Variants in ADAR observed in about 807,000 individuals in gnomAD.
The protein encoded by ADAR is adenosine deaminase RNA specific.
A neutral mutation model predicts 113.2 loss-of-function variants in ADAR; 41 were observed. The observed-to-expected ratio is 0.36, with a 90% CI of 0.28 to 0.47. The LOEUF (loss-of-function observed/expected upper bound fraction) is 0.47, where lower values mean the gene tolerates loss of function less well. Ranked by LOEUF, ADAR falls within the 20% of genes least tolerant of loss-of-function variation. The pLI is 1.00. For missense variants in ADAR, 1,242 were observed against 1,540.9 expected (o/e 0.81, Z 3.25); for synonymous variants, 605 against 572.6 (o/e 1.06, Z -0.81).
At chr1:154,610,220 C>G (rs1698439464), upstream of ADAR, among the ~76,000 whole-genome samples, 1 of 152,090 alleles carries the variant, frequency 6.6e-6, no homozygotes, top group African/African-American at 2.4e-5. Context: ...AACCAGTTTA[C>G]CATTATCTAG....
At chr1:154,610,832 A>AAAAAAAAAAAAAAAAAC (rs1698463853), upstream of ADAR, among the ~76,000 whole-genome samples, 2 of 140,524 alleles carry the variant, frequency 1.4e-5, 1 homozygote, top group Non-Finnish European at 3.0e-5. Context: ...AAGAAAAAAA[A>AAAAAAAAAAAAAAAAAC]AAAAAAAAAG....
intron 7 of ADAR, 60 bp from the exon 8 acceptor site, chr1:154,589,988 C>T (rs1697021029): frequency 1.2e-6 from 2 of 1,602,070 alleles, no homozygotes; most frequent in Admixed American, 3.4e-5. Flanking sequence ...ACCATATTCA[C>T]CGTGGGCAGG....
rs892495161 is a variant in ADAR at position 154,598,542 on chromosome 1, C to A, written c.1645G>T (p.Ala549Ser). 1 of 1,614,108 alleles carries A rather than the reference C, an allele frequency of 6.2e-7. No homozygotes were observed. Among genetic ancestry groups the A allele is most frequent in the Non-Finnish European group, 8.5e-7 (1 of 1,180,038 alleles). Residue 549 changes from alanine (A) to serine (S), a missense_variant, in exon 3 of 15, where the codon GCT becomes TCT. By Grantham distance (99) the Ala-to-Ser change is moderately conservative (BLOSUM62 1). Around this residue, in one of 2 missense-constraint regions of ADAR, gnomAD observed 780 missense variants for 1,057.9 expected, o/e 0.74. Coordinates refer to ENST00000368474, the MANE Select transcript of ADAR (RefSeq NM_001111.5). ...GCCACTTTCTTGCTTCCAGCTTCAG[C>A]TGGGGGAAACTCTCGGCCATTGATG... Reference protein sequence around the residue: ...VVINGREFPPAEAGSKKVAKQ... With the variant: ...VVINGREFPPSEAGSKKVAKQ...
intron 9 of ADAR, 134 bp downstream of exon 9, chr1:154,589,235 A>G (rs1354486892): frequency 1.3e-6 from 1 of 750,130 alleles, no homozygotes; most frequent in Non-Finnish European, 2.4e-6. Flanking sequence ...ACGGGTGAAA[A>G]GCAAAGGCTG....
At chr1:154,627,059 A>C (rs967619778) in intron 1 of ADAR, among the ~76,000 whole-genome samples, 2 of 152,182 alleles carry the variant, frequency 1.3e-5, no homozygotes, top group Non-Finnish European at 2.9e-5. Flanking sequence ...CTCCCGTGGC[A>C]GCCTAGACTC....
chr1:154,613,672 A>G (rs1403755007), intron 1 of ADAR, among the ~76,000 whole-genome samples: 1 of 152,122 alleles, frequency 6.6e-6, no homozygotes, highest in Admixed American at 6.5e-5. Context: ...TGGGACACCG[A>G]GGTGGGTGGA....
chr1:154,585,688 C>T (rs1159800176), intron 13 of ADAR, 65 bp downstream of exon 13: 18 of 1,393,758 alleles, frequency 1.3e-5, no homozygotes, highest in Non-Finnish European at 1.6e-5. Flanking sequence ...TACATTTTTC[C>T]TCTGTTTACA....
At position 154,601,916 on chromosome 1, in the gene ADAR, A is replaced by C. The variant is rs746806140; in HGVS notation, c.726T>G (p.Leu242=). 1.3e-5 allele frequency: 21 copies of C among 1,613,984 alleles called. No individual in the cohort carries two copies. In the South Asian group the frequency reaches 2.3e-4, roughly 18 times the overall value. Residue 242 remains leucine, a synonymous_variant, in exon 2 of 15, where the codon CTT becomes CTG. Transcript: ENST00000368474. The surrounding 1 kb of genome is among the most constrained non-coding windows in gnomAD (Gnocchi z 4.7). ...RNSTSVSEDL[L]EPFIAVSAQA... ...GAGCTGAGACTGCAATAAAAGGCTCAAGAAGATCTTCTGAGACAGATGTGG... is the reference window on the plus strand; with the variant it reads ...GAGCTGAGACTGCAATAAAAGGCTCCAGAAGATCTTCTGAGACAGATGTGG...
intron 1 of ADAR, among the ~76,000 whole-genome samples, chr1:154,604,890 C>G (rs1698097097): frequency 1.3e-5 from 2 of 152,194 alleles, no homozygotes; most frequent in African/African-American, 4.8e-5. Flanking sequence ...AGCTTAAGAT[C>G]TGAATTTCCA....
Position 154,585,021 on chromosome 1 carries a change from C to T in ADAR, c.3466G>A (p.Val1156Ile). 7 of 1,613,956 alleles carry T rather than the reference C, an allele frequency of 4.3e-6. No homozygotes were observed. The highest frequency in any genetic ancestry group is 5.9e-6 in the Non-Finnish European group (7 of 1,180,020). Reference protein sequence around the residue: ...VDGPRNELSRVSKKNIFLLFK... With the variant: ...VDGPRNELSRISKKNIFLLFK... ...AGAAGAAAAATGTTCTTTTTGGAGA[C>T]CCGGGACAATTCATTCCGTGGCCTA... Residue 1156 changes from valine to isoleucine, a missense_variant, in exon 15 of 15, where the codon GTC (valine) becomes ATC (isoleucine). Around this residue, in one of 2 missense-constraint regions of ADAR, gnomAD observed 780 missense variants for 1,057.9 expected, o/e 0.74. Coordinates refer to ENST00000368474, the MANE Select transcript of ADAR (RefSeq NM_001111.5).
intron 2 of ADAR, 150 bp from the exon 3 acceptor site, chr1:154,598,735 CCTT>C (rs1193161784): frequency 7.8e-6 from 6 of 764,676 alleles, no homozygotes; most frequent in African/African-American, 6.9e-5. Context: ...CCTTCCTACT[CCTT>C]AAGGCTCAGC....
intron 6 of ADAR, among the ~76,000 whole-genome samples, chr1:154,593,265 C>T (rs1231575048): frequency 1.3e-5 from 2 of 151,826 alleles, no homozygotes; most frequent in Admixed American, 6.6e-5. Context: ...TATTATTGTA[C>T]GAGATAGTTA....
At chr1:154,590,138 A>AGGGGG (rs1697034758) in intron 7 of ADAR, 46 bp downstream of exon 7, 25 of 1,173,614 alleles carry the variant, frequency 2.1e-5, no homozygotes, top group Middle Eastern at 2.1e-4. Flanking sequence ...AGGAGTTAGG[A>AGGGGG]GGACCCCCCC....
chr1:154,616,713 G>C (rs1198200784), intron 1 of ADAR, among the ~76,000 whole-genome samples: 1 of 152,186 alleles, frequency 6.6e-6, no homozygotes, highest in Admixed American at 6.5e-5. Flanking sequence ...TTTGCTTTCA[G>C]CGTGCTCAAA....
chr1:154,593,190 C>A (rs144185296), intron 6 of ADAR, among the ~76,000 whole-genome samples: 3 of 149,360 alleles, frequency 2.0e-5, no homozygotes, highest in Non-Finnish European at 3.0e-5. Context: ...TTAACGTCAC[C>A]AGCCACAGTA....
chr1:154,619,143 C>T (rs375253496), intron 1 of ADAR, among the ~76,000 whole-genome samples: 21 of 152,278 alleles, frequency 1.4e-4, no homozygotes, highest in South Asian at 1.2e-3. Flanking sequence ...TAGTGGCCTA[C>T]GCTAGAACTA....
In ADAR at chr1:154,584,672, T is replaced by A. The variant is rs1458781268; in HGVS notation, c.*134A>T. 1.2e-6 allele frequency: 1 copy of A among 827,270 alleles called. No individual in the cohort carries two copies. Among genetic ancestry groups the A allele is most frequent in the African/African-American group, 1.7e-5 (1 of 58,214 alleles). 51.2% of individuals were successfully genotyped at this position (827,270 alleles called of 1,614,324 possible). A position where few individuals can be genotyped will look rare whatever the true frequency, so the allele number is the denominator to read the frequency against. On this transcript the variant is annotated 3_prime_UTR_variant, in exon 15 of 15. Coordinates refer to ENST00000368474, the MANE Select transcript of ADAR (RefSeq NM_001111.5). ...ATAAATGGGAACCCAAAGTTTTCAG[T>A]ATCACCAATTATGGCTTAAAAAGAA... is the stretch of plus-strand genomic sequence containing the variant.
intron 4 of ADAR, 37 bp downstream of exon 4, chr1:154,597,791 G>A (rs938915970): frequency 6.2e-7 from 1 of 1,613,566 alleles, no homozygotes; most frequent in South Asian, 1.1e-5. Flanking sequence ...TTCTTTCTGA[G>A]AAAACCTCAG....
At chr1:154,623,425 T>C (rs927998173) in intron 1 of ADAR, among the ~76,000 whole-genome samples, 3 of 151,726 alleles carry the variant, frequency 2.0e-5, no homozygotes, top group African/African-American at 7.3e-5. Context: ...CCCAAAGAAG[T>C]GAGATAAGAG....
Sources: allele counts gnomAD v4.1 joint callset (sites outside exome capture counted in the v4.1 genomes callset), GRCh38; gene constraint gnomAD v4.1.1; regional missense constraint gnomAD v4.1.1; non-coding constraint Gnocchi (gnomAD v3.1); transcripts MANE v1.5; gene names NCBI Gene and HGNC (gene_info 2026-07-23, HGNC 2026-07-21).